The following LYPD6B variants were observed in gnomAD, a reference collection of about 807,000 sequenced individuals.
LYPD6B encodes the protein ly6/PLAUR domain-containing protein 6B.
In LYPD6B, 17 loss-of-function variants were observed where a neutral mutation model predicts 22.8. The ratio of observed to expected loss-of-function variants is 0.75; its 90% CI spans 0.51 to 1.12. The LOEUF is 1.12. Among genes scored for constraint, LYPD6B ranks in the 50% most tolerant of loss-of-function variants. The pLI, the probability that LYPD6B is intolerant of heterozygous loss-of-function variation, is 0.00. For synonymous variants in LYPD6B, 106 were observed against 91.6 expected, an observed-to-expected ratio of 1.16 and a Z score of -0.90; for missense variants, 221 against 258.3, an observed-to-expected ratio of 0.86 and a Z score of 0.99.
rs150241375 is a variant in LYPD6B, at chr2:149,149,578, A to G, written c.6-11186A>G. On this transcript the variant is annotated intron_variant, in intron 2 of 6. Transcript: ENST00000409642. ...CAAAGGAAGTACCTGCCTTTGAGGA[A>G]TTTATATTCCAAGCGGCCAGGGAAG... 8.0e-4 allele frequency among the ~76,000 whole-genome samples: 122 copies of G among 152,316 alleles called. 1 individual carries two copies. Among genetic ancestry groups the G allele is most frequent in the Non-Finnish European group, 8.8e-5 (6 of 68,030 alleles).
chr2:149,192,082 G>T (rs1344193096), intron 3 of LYPD6B, among the ~76,000 whole-genome samples: 1 of 137,238 alleles, frequency 7.3e-6, no homozygotes, highest in Non-Finnish European at 1.7e-5. Flanking sequence ...GCGTGTTAAG[G>T]AGGGCTATGC....
chr2:149,137,208 G>A (rs992331904), intron 2 of LYPD6B, among the ~76,000 whole-genome samples: 1 of 152,124 alleles, frequency 6.6e-6, no homozygotes, highest in African/African-American at 2.4e-5. Flanking sequence ...GATGAGTGAG[G>A]TTAATTAAAT....
chr2:149,177,367 G>A (rs2105965880), intron 3 of LYPD6B, among the ~76,000 whole-genome samples: 1 of 152,202 alleles, frequency 6.6e-6, no homozygotes. Context: ...AGCTGGCTGG[G>A]GTTATGTTTT....
intron 3 of LYPD6B, among the ~76,000 whole-genome samples, chr2:149,173,418 T>C (rs1691007070): frequency 6.6e-6 from 1 of 150,494 alleles, no homozygotes; most frequent in African/African-American, 2.4e-5. Context: ...CCTGGCTTTG[T>C]GCCATCAGTA....
chr2:149,188,526 G>A (rs1692276562), intron 3 of LYPD6B: 1 of 155,982 alleles, frequency 6.4e-6, no homozygotes, highest in South Asian at 2.0e-4. Flanking sequence ...TATTGCCTTT[G>A]AGGAAGACAT....
intron 1 of LYPD6B, among the ~76,000 whole-genome samples, chr2:149,065,480 G>A (rs532767579): frequency 4.4e-4 from 67 of 152,284 alleles, no homozygotes; most frequent in African/African-American, 1.5e-3. Flanking sequence ...AAAGAAGGTG[G>A]AATCTTCAGT....
intron 1 of LYPD6B, among the ~76,000 whole-genome samples, chr2:149,060,935 C>G (rs983096759): frequency 1.3e-5 from 2 of 152,152 alleles, no homozygotes; most frequent in Non-Finnish European, 2.9e-5. Flanking sequence ...CTTGGTACCC[C>G]AAGGGTCTGG....
chr2:149,072,043 T>C (rs1684627748), intron 1 of LYPD6B, among the ~76,000 whole-genome samples: 1 of 152,314 alleles, frequency 6.6e-6, no homozygotes, highest in East Asian at 1.9e-4. Flanking sequence ...ATGAGTCTCC[T>C]GCCTCAGCCT....
intron 2 of LYPD6B, among the ~76,000 whole-genome samples, chr2:149,152,342 AG>A (rs1337454681): frequency 6.6e-6 from 1 of 152,236 alleles, no homozygotes; most frequent in Non-Finnish European, 1.5e-5. Context: ...TAACTAAAGC[AG>A]AGTTCTGTTA....
rs1323851858 is a variant in LYPD6B, at chr2:149,148,797, GGC to G, written c.6-11966_6-11965del. Among the ~76,000 whole-genome samples the G allele has an allele frequency of 2.0e-5, 3 of 152,206 alleles. No homozygotes were observed. The East Asian group carries it at 5.8e-4, about 29-fold the overall frequency. On this transcript the variant is annotated intron_variant, in intron 2 of 6. Coordinates refer to ENST00000409642, the MANE Select transcript of LYPD6B (RefSeq NM_177964.5). ...AGTGCTGAGGAAGGCTGGATGCAATGGCTCACAGGTGTGACACGAGTGCTTGG... is the reference window on the plus strand; with the variant it reads ...AGTGCTGAGGAAGGCTGGATGCAATGTCACAGGTGTGACACGAGTGCTTGG...
chr2:149,083,403 T>C (rs1182681782), intron 1 of LYPD6B, among the ~76,000 whole-genome samples: 3 of 152,254 alleles, frequency 2.0e-5, no homozygotes, highest in Non-Finnish European at 4.4e-5. Flanking sequence ...TCCCTGCTTA[T>C]TTGAAAACAT....
In LYPD6B at chr2:149,050,127, T is replaced by C. The variant is rs1000342519; in HGVS notation, c.-67+11326T>C. 4.6e-5 allele frequency among the ~76,000 whole-genome samples: 7 copies of C among 152,164 alleles called. No homozygotes were observed. The East Asian group carries it at 1.3e-3, about 29-fold the overall frequency. Reference sequence around the variant, plus strand: ...GTTTGTATGTTGCTCTGGACTCTATTTCTTGTCATGGTGAGTGAGGTTCAG... The same window carrying C: ...GTTTGTATGTTGCTCTGGACTCTATCTCTTGTCATGGTGAGTGAGGTTCAG... On this transcript the variant is annotated intron_variant, in intron 1 of 6. Transcript: ENST00000409642.
At chr2:149,120,361 GTATATA>G (rs764587788) in intron 1 of LYPD6B, among the ~76,000 whole-genome samples, 642 of 38,622 alleles carry the variant, frequency 0.017, 12 homozygotes, top group Non-Finnish European at 0.019. Flanking sequence ...GTGTGTGTGT[GTATATA>G]TATATATATA....
At chr2:149,172,950 A>G (rs1690946290) in intron 3 of LYPD6B, among the ~76,000 whole-genome samples, 1 of 151,824 alleles carries the variant, frequency 6.6e-6, no homozygotes, top group South Asian at 2.1e-4. Flanking sequence ...TGGCCTTTCT[A>G]ATATCATAAG....
rs543991686 is a variant in LYPD6B, at chr2:149,167,703, A to G, written c.77+6868A>G. Among the ~76,000 whole-genome samples the G allele has an allele frequency of 1.4e-4, 22 of 152,188 alleles. No individual in the cohort carries two copies. In the South Asian group the frequency reaches 3.3e-3, roughly 23 times the overall value. ...CATAGAGGATGTTTCAGATGTGGCA[A>G]TTCCTTTAAGTCACTGCAATTTTGA... On this transcript the variant is annotated intron_variant, in intron 3 of 6. Coordinates refer to ENST00000409642, the MANE Select transcript of LYPD6B (RefSeq NM_177964.5).
At chr2:149,072,385 G>A (rs1574914747) in intron 1 of LYPD6B, among the ~76,000 whole-genome samples, 1 of 151,920 alleles carries the variant, frequency 6.6e-6, no homozygotes, top group Non-Finnish European at 1.5e-5. Flanking sequence ...CTCTGGTGAA[G>A]AGGATAATAA....
chr2:149,181,882 TTC>T (rs141852281), intron 3 of LYPD6B, among the ~76,000 whole-genome samples: 2 of 152,314 alleles, frequency 1.3e-5, no homozygotes, highest in Non-Finnish European at 2.9e-5. Flanking sequence ...CTCCAAATTC[TTC>T]TTTCTTCTCC....
intron 2 of LYPD6B, among the ~76,000 whole-genome samples, chr2:149,139,040 A>T (rs888386012): frequency 1.3e-5 from 2 of 152,224 alleles, no homozygotes; most frequent in African/African-American, 4.8e-5. Flanking sequence ...TAACTCATTC[A>T]TTCATTTATT....
intron 3 of LYPD6B, among the ~76,000 whole-genome samples, chr2:149,169,649 C>G (rs1010960004): frequency 6.6e-5 from 10 of 152,166 alleles, no homozygotes; most frequent in African/African-American, 2.4e-4. Context: ...TTCCATTTTT[C>G]ACCTATCAGT....
Sources: gnomAD v4.1 joint callset for allele counts (sites outside exome capture counted in the v4.1 genomes callset) on GRCh38, gnomAD v4.1.1 for gene constraint, MANE v1.5 for transcripts, NCBI Gene and HGNC (gene_info 2026-07-23, HGNC 2026-07-21) for gene names.